Variants in FRMD6 observed in about 807,000 individuals in gnomAD.
The protein encoded by FRMD6 is FERM domain containing 6.
FRMD6 carries 37 observed loss-of-function variants against 73.2 expected under a neutral mutation model. The ratio of observed to expected loss-of-function variants is 0.51; its 90% CI spans 0.39 to 0.66. The LOEUF (loss-of-function observed/expected upper bound fraction) is 0.66, where lower values mean the gene tolerates loss of function less well. Among genes scored for constraint, FRMD6 ranks in the 30% least tolerant of loss-of-function variants. The probability of loss-of-function intolerance (pLI) is 0.00; values close to 1 mark genes in which losing one functional copy is unlikely to be tolerated. For missense variants in FRMD6, 714 were observed against 780.5 expected (o/e 0.91, Z 1.02); for synonymous variants, 273 against 282.2 (o/e 0.97, Z 0.33).
chr14:51,411,734 G>T, the FRMD6 span, among the ~76,000 whole-genome samples: 1 of 152,040 alleles, frequency 6.6e-6, no homozygotes, highest in African/African-American at 2.4e-5. Flanking sequence ...TGGATTTTTG[G>T]TTTTAAGTTT....
chr14:51,565,741 A>G (rs1029813368), intron 1 of FRMD6, among the ~76,000 whole-genome samples: 5 of 152,128 alleles, frequency 3.3e-5, no homozygotes, highest in African/African-American at 1.2e-4. Flanking sequence ...CAGCAGTTCT[A>G]GAGGTGGCGA....
intron 2 of FRMD6, among the ~76,000 whole-genome samples, chr14:51,619,321 T>C (rs1890833584): frequency 6.6e-6 from 1 of 151,872 alleles, no homozygotes; most frequent in Non-Finnish European, 1.5e-5. Flanking sequence ...TGTGGATGTC[T>C]GTTTATTAAG....
chr14:51,536,899 T>C (rs985038206), intron 1 of FRMD6, among the ~76,000 whole-genome samples: 9 of 152,078 alleles, frequency 5.9e-5, no homozygotes, highest in Admixed American at 2.0e-4. Flanking sequence ...CAGCTTTAGG[T>C]TCACAGGAAA....
At chr14:51,667,156 A>G (rs529610613) in intron 1 of FRMD6, among the ~76,000 whole-genome samples, 35 of 152,240 alleles carry the variant, frequency 2.3e-4, no homozygotes, top group African/African-American at 8.2e-4. Flanking sequence ...GAAAAAAAAA[A>G]TCAGATGTGA....
intron 1 of FRMD6, among the ~76,000 whole-genome samples, chr14:51,540,030 C>A (rs1358959123): frequency 6.6e-6 from 1 of 152,168 alleles, no homozygotes; most frequent in Non-Finnish European, 1.5e-5. Context: ...TGCTTTAGAG[C>A]CTTCCAACTA....
intron 2 of FRMD6, among the ~76,000 whole-genome samples, chr14:51,596,670 A>G (rs1011207363): frequency 6.6e-6 from 1 of 152,112 alleles, no homozygotes; most frequent in African/African-American, 2.4e-5. Context: ...TTAAGCAGTG[A>G]CGCTTCTGTG....
At chr14:51,477,803 G>A in the FRMD6 span, among the ~76,000 whole-genome samples, 1 of 148,146 alleles carries the variant, frequency 6.8e-6, no homozygotes, top group Admixed American at 6.8e-5. Context: ...GCAGTGGCAC[G>A]ACCTCAGCTC....
chr14:51,718,942 A>C (rs182400730), intron 10 of FRMD6, among the ~76,000 whole-genome samples: 1 of 152,288 alleles, frequency 6.6e-6, no homozygotes, highest in Admixed American at 6.5e-5. Context: ...AAGTATTTTC[A>C]CTTAACCAAG....
At chr14:51,661,561 T>G (rs1481939227) in intron 1 of FRMD6, among the ~76,000 whole-genome samples, 1 of 151,928 alleles carries the variant, frequency 6.6e-6, no homozygotes, top group East Asian at 1.9e-4. Flanking sequence ...AAAAGAAAAT[T>G]AAAAAGGAGC....
At chr14:51,613,358 G>A (rs1890587347) in intron 2 of FRMD6, among the ~76,000 whole-genome samples, 1 of 152,160 alleles carries the variant, frequency 6.6e-6, no homozygotes, top group Admixed American at 6.6e-5. Flanking sequence ...GGAATTCAAA[G>A]ATGCCTGTGA....
At chr14:51,585,937 G>GTA (rs1326327173) in intron 2 of FRMD6, among the ~76,000 whole-genome samples, 1 of 11,170 alleles carries the variant, frequency 9.0e-5, no homozygotes, top group African/African-American at 2.2e-4. Flanking sequence ...GTGTGTGTGT[G>GTA]TGTATATATA....
chr14:51,450,547 G>C, the FRMD6 span, among the ~76,000 whole-genome samples: 1 of 152,188 alleles, frequency 6.6e-6, no homozygotes, highest in Non-Finnish European at 1.5e-5. Flanking sequence ...CAGGCTCCCA[G>C]TGAGATGTGG....
chr14:51,416,380 A>G, the FRMD6 span, among the ~76,000 whole-genome samples: 2 of 152,214 alleles, frequency 1.3e-5, no homozygotes, highest in Non-Finnish European at 2.9e-5. Context: ...TTCAAAGAAC[A>G]TCTTTATTTC....
intron 6 of FRMD6, among the ~76,000 whole-genome samples, chr14:51,705,410 A>C (rs1896567614): frequency 1.3e-5 from 2 of 152,082 alleles, no homozygotes; most frequent in South Asian, 4.1e-4. Flanking sequence ...GGTTATTCCA[A>C]CGTGAACTGT....
chr14:51,497,401 C>T (rs1044003855), intron 1 of FRMD6, among the ~76,000 whole-genome samples: 3 of 152,036 alleles, frequency 2.0e-5, no homozygotes, highest in African/African-American at 7.2e-5. Flanking sequence ...AAAACTTTAT[C>T]GGTTTTCCAT....
chr14:51,460,998 A>G, the FRMD6 span, among the ~76,000 whole-genome samples: 1 of 152,202 alleles, frequency 6.6e-6, no homozygotes, highest in Admixed American at 6.5e-5. Context: ...TAGTTTATAT[A>G]AAAGATAGTG....
intron 2 of FRMD6, among the ~76,000 whole-genome samples, chr14:51,612,375 C>T (rs1362251238): frequency 1.3e-5 from 2 of 152,152 alleles, no homozygotes; most frequent in Non-Finnish European, 2.9e-5. Context: ...ATCATCATTG[C>T]TTCTGTTGAA....
the FRMD6 span, among the ~76,000 whole-genome samples, chr14:51,417,511 C>T: frequency 2.6e-5 from 4 of 152,164 alleles, no homozygotes; most frequent in East Asian, 1.9e-4. Flanking sequence ...GAGTTTCTGC[C>T]GAGAGATCCG....
chr14:51,719,933 A>T, intron 10 of FRMD6, 122 bp from the exon 11 acceptor site: 1 of 703,742 alleles, frequency 1.4e-6, no homozygotes, highest in Non-Finnish European at 2.4e-6. Context: ...CTAAATTATT[A>T]CTACTTTCCA....
Sources: gnomAD v4.1 joint callset for allele counts (sites outside exome capture counted in the v4.1 genomes callset) on GRCh38, gnomAD v4.1.1 for gene constraint, MANE v1.5 for transcripts, NCBI Gene and HGNC (gene_info 2026-07-23, HGNC 2026-07-21) for gene names.